The following UNC13C variants were observed in gnomAD, a reference collection of about 807,000 sequenced individuals.
UNC13C encodes the protein protein unc-13 homolog C.
In UNC13C, 174 loss-of-function variants were observed where a neutral mutation model predicts 245.4. The observed-to-expected ratio is 0.71, with a 90% CI of 0.63 to 0.80. UNC13C has a LOEUF of 0.80. Ranked by LOEUF, UNC13C falls within the 30% of genes least tolerant of loss-of-function variation. UNC13C has a pLI of 0.00. For missense variants in UNC13C, 2,829 were observed against 2,602.9 expected (o/e 1.09, Z -1.89); for synonymous variants, 992 against 895.1 (o/e 1.11, Z -1.93).
chr15:53,931,576 C>T, the UNC13C span, among the ~76,000 whole-genome samples: 1 of 151,904 alleles, frequency 6.6e-6, no homozygotes, highest in Non-Finnish European at 1.5e-5. Context: ...GTATGCTTTC[C>T]ACTTTCCTGG....
chr15:53,969,456 G>A, the UNC13C span, among the ~76,000 whole-genome samples: 16 of 152,188 alleles, frequency 1.1e-4, no homozygotes, highest in South Asian at 3.3e-3. Flanking sequence ...GCTGAGGCAG[G>A]AGGATTTCTT....
intron 2 of UNC13C, among the ~76,000 whole-genome samples, chr15:54,020,368 G>T (rs1895843930): frequency 6.7e-6 from 1 of 148,652 alleles, no homozygotes; most frequent in African/African-American, 2.5e-5. Context: ...TCCTCCTCCT[G>T]GGTTCAAGCG....
chr15:54,085,906 G>C lies in UNC13C; in HGVS notation c.2984-57112G>C, dbSNP rs532111785. ...ACAAACAATTATGAAACGATTGTTGGAGCACCCTGGAGACATGTTTGGCCC... is the reference window on the plus strand; with the variant it reads ...ACAAACAATTATGAAACGATTGTTGCAGCACCCTGGAGACATGTTTGGCCC... On this transcript the variant is annotated intron_variant, in intron 2 of 32. Transcript: ENST00000260323. 3.3e-5 allele frequency among the ~76,000 whole-genome samples: 5 copies of C among 152,226 alleles called. No homozygotes were observed. The South Asian group carries it at 1.0e-3, about 32-fold the overall frequency.
the UNC13C span, among the ~76,000 whole-genome samples, chr15:53,872,927 C>G: frequency 6.6e-6 from 1 of 152,128 alleles, no homozygotes; most frequent in African/African-American, 2.4e-5. Context: ...AACGTTTTGC[C>G]ATGTTCCATG....
intron 10 of UNC13C, among the ~76,000 whole-genome samples, chr15:54,292,736 G>T (rs2037330055): frequency 6.6e-6 from 1 of 151,326 alleles, no homozygotes; most frequent in African/African-American, 2.4e-5. Flanking sequence ...AATATTTTAA[G>T]GTTCATAACA....
At chr15:54,229,010 C>T (rs550738543) in intron 4 of UNC13C, among the ~76,000 whole-genome samples, 6 of 152,300 alleles carry the variant, frequency 3.9e-5, no homozygotes, top group African/African-American at 1.4e-4. Context: ...CTTGTCAGAA[C>T]TCAGGATCCA....
chr15:54,172,703 GATATATATATATATATATATATATAT>G (rs56316345), intron 4 of UNC13C, among the ~76,000 whole-genome samples: 1,919 of 78,428 alleles, frequency 0.024, 103 homozygotes, highest in African/African-American at 0.061. Flanking sequence ...TACACACACA[GATATATATATATATATATATATATAT>G]ATATATATAT....
chr15:54,140,461 T>C (rs1318768441), intron 2 of UNC13C, among the ~76,000 whole-genome samples: 1 of 152,132 alleles, frequency 6.6e-6, no homozygotes, highest in Non-Finnish European at 1.5e-5. Context: ...TCTGAAAGGA[T>C]TGCAGATAAG....
At chr15:54,247,472 A>G (rs1292709154) in intron 7 of UNC13C, among the ~76,000 whole-genome samples, 1 of 152,152 alleles carries the variant, frequency 6.6e-6, no homozygotes, top group Admixed American at 6.5e-5. Context: ...TCATGTTCCT[A>G]AACTATCAAC....
intron 17 of UNC13C, among the ~76,000 whole-genome samples, chr15:54,381,581 T>G (rs1042511556): frequency 6.6e-6 from 1 of 152,122 alleles, no homozygotes; most frequent in Non-Finnish European, 1.5e-5. Context: ...TTCCAATCCA[T>G]AAACATTGGA....
chr15:54,001,864 A>G (rs949538969), intron 1 of UNC13C, among the ~76,000 whole-genome samples: 2 of 152,218 alleles, frequency 1.3e-5, no homozygotes, highest in Non-Finnish European at 2.9e-5. Flanking sequence ...ACAGGGGATG[A>G]TAGAGCTCAG....
In UNC13C at chr15:54,622,421, T is replaced by TA. The variant is rs1314088506; in HGVS notation, c.6199+3dup. The TA allele has an allele frequency of 6.2e-7, 1 of 1,608,262 alleles. No individual in the cohort carries two copies. Among genetic ancestry groups the TA allele is most frequent in the Admixed American group, 1.7e-5 (1 of 59,880 alleles). ...GAGATCATAAAGTCACTGTAAAAGGTATACTTCTGGTCTAGATAAATCAAA... is the reference window on the plus strand; with the variant it reads ...GAGATCATAAAGTCACTGTAAAAGGTAATACTTCTGGTCTAGATAAATCAAA... On this transcript the variant is annotated splice_region_variant and intron_variant, in intron 31 of 32. Transcript: ENST00000260323.
chr15:54,128,941 A>G (rs1030071814), intron 2 of UNC13C, among the ~76,000 whole-genome samples: 2 of 152,226 alleles, frequency 1.3e-5, no homozygotes, highest in African/African-American at 4.8e-5. Flanking sequence ...TCTCTTGCTT[A>G]AAAACAATCT....
chr15:54,259,428 T>TA (rs764603529), intron 8 of UNC13C, among the ~76,000 whole-genome samples: 4 of 152,208 alleles, frequency 2.6e-5, no homozygotes, highest in Non-Finnish European at 5.9e-5. Flanking sequence ...AGGCATGTCT[T>TA]ACATGGCATC....
intron 26 of UNC13C, among the ~76,000 whole-genome samples, chr15:54,546,236 G>T (rs371098253): frequency 2.0e-5 from 3 of 152,092 alleles, no homozygotes; most frequent in African/African-American, 7.2e-5. Flanking sequence ...ATGAAACACC[G>T]CATGTTCTCA....
At chr15:54,336,962 TTTAA>T (rs2038593350) in intron 16 of UNC13C, among the ~76,000 whole-genome samples, 1 of 152,160 alleles carries the variant, frequency 6.6e-6, no homozygotes, top group African/African-American at 2.4e-5. Context: ...CTTCTGGGAT[TTTAA>T]TTGAGATTGC....
chr15:54,131,935 A>G (rs1055950366), intron 2 of UNC13C, among the ~76,000 whole-genome samples: 18 of 152,090 alleles, frequency 1.2e-4, no homozygotes, highest in African/African-American at 4.3e-4. Flanking sequence ...CCTCTCCCGA[A>G]TGAGTCCTTC....
intron 19 of UNC13C, among the ~76,000 whole-genome samples, chr15:54,487,757 A>T (rs1380477922): frequency 2.4e-5 from 3 of 125,670 alleles, no homozygotes; most frequent in Non-Finnish European, 4.9e-5. Context: ...ACAGAGCAAG[A>T]TTCCATCTCA....
At chr15:54,463,531 G>C (rs1034953298) in intron 19 of UNC13C, among the ~76,000 whole-genome samples, 2 of 151,942 alleles carry the variant, frequency 1.3e-5, no homozygotes, top group Non-Finnish European at 2.9e-5. Flanking sequence ...AGAGGAGCAA[G>C]CAATTCCAGA....
Sources: gnomAD v4.1 joint callset for allele counts (sites outside exome capture counted in the v4.1 genomes callset) on GRCh38, gnomAD v4.1.1 for gene constraint, MANE v1.5 for transcripts, NCBI Gene and HGNC (gene_info 2026-07-23, HGNC 2026-07-21) for gene names.